The following SGCZ variants were observed in gnomAD, a reference collection of about 807,000 sequenced individuals.
SGCZ encodes zeta-sarcoglycan.
Under a neutral mutation model 41.3 loss-of-function variants are expected in SGCZ, and 40 were observed. The observed-to-expected ratio is 0.97, with a 90% CI of 0.75 to 1.26. The LOEUF (loss-of-function observed/expected upper bound fraction) is 1.26, where lower values mean the gene tolerates loss of function less well. SGCZ is among the 50% of genes most tolerant of loss of function. SGCZ has a pLI of 0.00. For missense variants in SGCZ, 552 were observed against 369.8 expected, an observed-to-expected ratio of 1.49 and a Z score of -4.04; for synonymous variants, 206 against 137.5, an observed-to-expected ratio of 1.50 and a Z score of -3.49.
intron 2 of SGCZ, among the ~76,000 whole-genome samples, chr8:14,496,560 G>T (rs1350871): frequency 1 from 152,190 of 152,312 alleles, 76,034 homozygotes; most frequent in Non-Finnish European, 1. Context: ...TTCCCTACAA[G>T]AAACTCTATG....
At chr8:14,377,901 T>G (rs2117181233) in intron 2 of SGCZ, among the ~76,000 whole-genome samples, 1 of 151,434 alleles carries the variant, frequency 6.6e-6, no homozygotes, top group African/African-American at 2.4e-5. Context: ...GGTGTATATG[T>G]GCCACATTTT....
intron 2 of SGCZ, among the ~76,000 whole-genome samples, chr8:14,423,846 C>T (rs1799703704): frequency 6.6e-6 from 1 of 152,178 alleles, no homozygotes; most frequent in South Asian, 2.1e-4. Context: ...TTTCCCCCTT[C>T]CTTCTTTCTC....
At chr8:14,125,415 A>G (rs1802820606) in intron 5 of SGCZ, among the ~76,000 whole-genome samples, 1 of 151,944 alleles carries the variant, frequency 6.6e-6, no homozygotes, top group South Asian at 2.1e-4. Context: ...GAGGCAGGAG[A>G]ATGGCGTGAA....
At chr8:14,478,787 TCTTA>T (rs1019703949) in intron 2 of SGCZ, among the ~76,000 whole-genome samples, 2 of 152,198 alleles carry the variant, frequency 1.3e-5, no homozygotes, top group African/African-American at 4.8e-5. Context: ...GAGTAACAGT[TCTTA>T]TTTATTTTCT....
intron 1 of SGCZ, among the ~76,000 whole-genome samples, chr8:15,108,343 C>T (rs1166874450): frequency 6.6e-6 from 1 of 152,244 alleles, no homozygotes; most frequent in African/African-American, 2.4e-5. Flanking sequence ...TGAGGTTGCT[C>T]ACTACCCTAT....
At chr8:14,264,035 G>A (rs1015121565) in intron 3 of SGCZ, among the ~76,000 whole-genome samples, 7 of 152,166 alleles carry the variant, frequency 4.6e-5, no homozygotes, top group Non-Finnish European at 1.0e-4. Flanking sequence ...AGCTCTAAAA[G>A]GCAACCTACA....
intron 1 of SGCZ, among the ~76,000 whole-genome samples, chr8:14,906,520 A>C (rs1799124781): frequency 6.6e-6 from 1 of 152,172 alleles, no homozygotes; most frequent in African/African-American, 2.4e-5. Flanking sequence ...TCTTTTCTAC[A>C]AAGCAAACGT....
chr8:14,299,312 G>T (rs1563243519), intron 3 of SGCZ, among the ~76,000 whole-genome samples: 1 of 152,002 alleles, frequency 6.6e-6, no homozygotes, highest in East Asian at 1.9e-4. Flanking sequence ...AGTTAAACAT[G>T]AAATTGGACT....
intron 1 of SGCZ, among the ~76,000 whole-genome samples, chr8:15,027,723 C>A (rs1237374923): frequency 6.6e-6 from 1 of 151,992 alleles, no homozygotes; most frequent in African/African-American, 2.4e-5. Flanking sequence ...TTTAACAAAT[C>A]AACATTCCTC....
chr8:14,382,955 C>T (rs1403206128), intron 2 of SGCZ, among the ~76,000 whole-genome samples: 2 of 152,152 alleles, frequency 1.3e-5, no homozygotes, highest in South Asian at 4.1e-4. Context: ...TCACTTCTCT[C>T]CCGCAAAAAG....
intron 2 of SGCZ, among the ~76,000 whole-genome samples, chr8:14,366,331 G>C (rs1212115539): frequency 6.6e-6 from 1 of 152,130 alleles, no homozygotes; most frequent in Non-Finnish European, 1.5e-5. Context: ...GCAAGAAGGA[G>C]AGCATGTGTA....
intron 2 of SGCZ, among the ~76,000 whole-genome samples, chr8:14,487,060 C>A (rs1488825545): frequency 6.6e-6 from 1 of 152,050 alleles, no homozygotes; most frequent in Non-Finnish European, 1.5e-5. Flanking sequence ...GACTCTGAGC[C>A]CAGATTCACA....
chr8:15,037,107 C>T (rs1383538650), intron 1 of SGCZ, among the ~76,000 whole-genome samples: 4 of 152,070 alleles, frequency 2.6e-5, no homozygotes, highest in Non-Finnish European at 5.9e-5. Flanking sequence ...ACGATAAAGG[C>T]TATATATGAT....
intron 4 of SGCZ, among the ~76,000 whole-genome samples, chr8:14,212,575 G>A (rs1805854676): frequency 6.6e-6 from 1 of 151,660 alleles, no homozygotes; most frequent in Non-Finnish European, 1.5e-5. Context: ...CCTAAACCAG[G>A]TGGCGTGACT....
chr8:14,308,414 G>C (rs1175652922), intron 3 of SGCZ, among the ~76,000 whole-genome samples: 2 of 152,002 alleles, frequency 1.3e-5, no homozygotes, highest in Non-Finnish European at 2.9e-5. Context: ...ATATTCTTTT[G>C]ATTAGTCTAC....
At chr8:14,958,956 T>G (rs574513744) in intron 1 of SGCZ, among the ~76,000 whole-genome samples, 5 of 152,132 alleles carry the variant, frequency 3.3e-5, no homozygotes, top group Admixed American at 1.3e-4. Context: ...TTAATCTTTC[T>G]GTATGTTTGA....
chr8:14,647,401 G>T (rs867905608), intron 1 of SGCZ, among the ~76,000 whole-genome samples: 1 of 151,904 alleles, frequency 6.6e-6, no homozygotes, highest in Non-Finnish European at 1.5e-5. Context: ...AGGAAGAAAA[G>T]ACTAAAAGTT....
chr8:14,218,144 TAAAA>T (rs1163624498), intron 4 of SGCZ, among the ~76,000 whole-genome samples: 1 of 152,194 alleles, frequency 6.6e-6, no homozygotes, highest in Admixed American at 6.5e-5. Flanking sequence ...GCAAAGCATT[TAAAA>T]TAGTAAGAGA....
At chr8:14,899,958 G>A (rs1798908213) in intron 1 of SGCZ, among the ~76,000 whole-genome samples, 1 of 152,000 alleles carries the variant, frequency 6.6e-6, no homozygotes, top group Admixed American at 6.6e-5. Context: ...TCTAGCAGAG[G>A]GTACCTGCTG....
Sources: allele counts gnomAD v4.1 joint callset (sites outside exome capture counted in the v4.1 genomes callset), GRCh38; gene constraint gnomAD v4.1.1; transcripts MANE v1.5; gene names NCBI Gene and HGNC (gene_info 2026-07-23, HGNC 2026-07-21).